Variants in PTGER4 observed in about 807,000 individuals in gnomAD.
PTGER4 encodes prostaglandin E receptor 4.
A neutral mutation model predicts 33.2 loss-of-function variants in PTGER4; 11 were observed. The ratio of observed to expected loss-of-function variants is 0.33; its 90% CI spans 0.21 to 0.55. The LOEUF (loss-of-function observed/expected upper bound fraction) is 0.55. Among genes scored for constraint, PTGER4 ranks in the 20% least tolerant of loss-of-function variants. The pLI is 0.92. For synonymous variants in PTGER4, 275 were observed against 281.5 expected, an observed-to-expected ratio of 0.98 and a Z score of 0.23; for missense variants, 481 against 650.2, an observed-to-expected ratio of 0.74 and a Z score of 2.83.
chr5:40,696,744 A>C (rs1741589640), downstream of PTGER4: 1 of 959,162 alleles, frequency 1.0e-6, no homozygotes, highest in Non-Finnish European at 1.2e-6. Flanking sequence ...AACTCTACAC[A>C]CTAAAATCTG....
Position 40,691,244 on chromosome 5 carries a change from G to C in PTGER4, c.868-535G>C, listed in dbSNP as rs187078195. Among the ~76,000 whole-genome samples, 632 of 151,930 alleles carry C rather than the reference G, an allele frequency of 4.2e-3. 3 individuals carry two copies. Among genetic ancestry groups the C allele is most frequent in the African/African-American group, 0.015 (606 of 41,446 alleles). On this transcript the variant is annotated intron_variant, in intron 2 of 2. Transcript: ENST00000302472. This position sits in a 1 kb window ranked among gnomAD's most constrained non-coding sequence, Gnocchi z 4.2. ...GTCGCCAGGCTGGAGTGCAGTGGTG[G>C]GATCTCAGCTCACTGCAACCTCCGC...
intron 2 of PTGER4, among the ~76,000 whole-genome samples, chr5:40,688,235 C>T (rs560979555): frequency 8.1e-4 from 124 of 152,228 alleles, no homozygotes; most frequent in African/African-American, 2.9e-3. Flanking sequence ...CAGGTTCAGA[C>T]TTAACCAAAA....
the PTGER4 span, among the ~76,000 whole-genome samples, chr5:40,704,899 C>G: frequency 6.6e-6 from 1 of 152,088 alleles, no homozygotes; most frequent in Non-Finnish European, 1.5e-5. Flanking sequence ...GCTATACTAC[C>G]CAAAGCAATT....
rs944628637 is a variant in PTGER4 at position 40,691,689 on chromosome 5, C to T, written c.868-90C>T. 8.1e-6 allele frequency: 12 copies of T among 1,474,996 alleles called. No homozygotes were observed. The highest frequency in any genetic ancestry group is 1.1e-5 in the Non-Finnish European group (12 of 1,097,320). 91.4% of individuals were successfully genotyped at this position (1,474,996 alleles called of 1,614,324 possible). On this transcript the variant is annotated intron_variant, in intron 2 of 2. Transcript: ENST00000302472. This position sits in a 1 kb window ranked among gnomAD's most constrained non-coding sequence, Gnocchi z 4.2. ...AACTTGTTACCAGAAATGAAGGCAG[C>T]TTCCTAATATTGATAAGGTAGACAT...
the PTGER4 span, among the ~76,000 whole-genome samples, chr5:40,744,487 G>GTTTTTTT: frequency 7.3e-6 from 1 of 136,414 alleles, no homozygotes; most frequent in Non-Finnish European, 1.6e-5. Context: ...ACTCTTACCA[G>GTTTTTTT]TTTTTTTTTT....
chr5:40,745,328 T>C, the PTGER4 span, among the ~76,000 whole-genome samples: 1 of 152,108 alleles, frequency 6.6e-6, no homozygotes, highest in African/African-American at 2.4e-5. Flanking sequence ...TCCTTATTCT[T>C]AGAAAAAACA....
At chr5:40,698,894 C>T in the PTGER4 span, among the ~76,000 whole-genome samples, 1 of 152,092 alleles carries the variant, frequency 6.6e-6, no homozygotes. Flanking sequence ...AGAATTATCA[C>T]GTTTGTAGCC....
chr5:40,725,784 C>CTTTT, the PTGER4 span, among the ~76,000 whole-genome samples: 6 of 126,060 alleles, frequency 4.8e-5, no homozygotes, highest in South Asian at 2.5e-4. Flanking sequence ...TTCTCTTCAG[C>CTTTT]TTTTTTTTTT....
At chr5:40,684,572 T>C (rs1043706105) in intron 2 of PTGER4, among the ~76,000 whole-genome samples, 1 of 152,172 alleles carries the variant, frequency 6.6e-6, no homozygotes, top group Non-Finnish European at 1.5e-5. Context: ...AAAAAATAAA[T>C]TTTAATTTGC....
At chr5:40,715,056 G>C in the PTGER4 span, 1 of 151,922 alleles carries the variant, frequency 6.6e-6, no homozygotes, top group Non-Finnish European at 1.5e-5. Context: ...ATACTCATGA[G>C]ATTGTACTAT....
chr5:40,712,430 C>T, the PTGER4 span, among the ~76,000 whole-genome samples: 1 of 152,108 alleles, frequency 6.6e-6, no homozygotes, highest in Non-Finnish European at 1.5e-5. Flanking sequence ...ACTTGAGACA[C>T]AGACAGATGG....
At chr5:40,738,426 A>T in the PTGER4 span, among the ~76,000 whole-genome samples, 310 of 148,732 alleles carry the variant, frequency 2.1e-3, no homozygotes, top group African/African-American at 7.5e-3. Flanking sequence ...AAAATAAAAT[A>T]AAATAAAATA....
chr5:40,729,633 TA>T, the PTGER4 span, among the ~76,000 whole-genome samples: 1 of 152,220 alleles, frequency 6.6e-6, no homozygotes, highest in Non-Finnish European at 1.5e-5. Flanking sequence ...CTACTATATT[TA>T]ATCACAAGGA....
rs1302571182 is a variant in PTGER4 at position 40,691,779 on chromosome 5, G to A, written c.868G>A (p.Val290Met). 2 of 1,611,948 alleles carry A rather than the reference G, an allele frequency of 1.2e-6. No homozygotes were observed. The highest frequency in any genetic ancestry group is 1.7e-6 in the Non-Finnish European group (2 of 1,178,936). Residue 290 changes from valine to methionine, a missense_variant and splice_region_variant, in exon 3 of 3, where the codon GTG (valine) becomes ATG (methionine). Coordinates refer to ENST00000302472, the MANE Select transcript of PTGER4 (RefSeq NM_000958.3). The surrounding 1 kb of genome is among the most constrained non-coding windows in gnomAD (Gnocchi z 4.2). Reference sequence around the variant, plus strand: ...TAAATGTGCGATCTCACTTATGCAGGTGCGAGTATTCGTCAACCAGTTATA... The same window carrying A: ...TAAATGTGCGATCTCACTTATGCAGATGCGAGTATTCGTCAACCAGTTATA... ...VVLICSIPLV[V>M]RVFVNQLYQP...
downstream of PTGER4, among the ~76,000 whole-genome samples, chr5:40,694,335 G>A (rs1470599983): frequency 3.9e-5 from 6 of 152,178 alleles, 1 homozygote; most frequent in Non-Finnish European, 8.8e-5. Context: ...GCAGGCATGA[G>A]CCACCATGCC....
chr5:40,688,125 A>C (rs575134165), intron 2 of PTGER4, among the ~76,000 whole-genome samples: 2 of 152,368 alleles, frequency 1.3e-5, no homozygotes, highest in South Asian at 2.1e-4. Flanking sequence ...ACTATTCAAA[A>C]ATTTTCTTCC....
chr5:40,695,478 G>A (rs931944157), downstream of PTGER4, among the ~76,000 whole-genome samples: 5 of 152,148 alleles, frequency 3.3e-5, no homozygotes, highest in South Asian at 2.1e-4. Context: ...CCCGGGAGGC[G>A]GGGGTTGCAG....
chr5:40,698,292 A>ATC (rs1741661141), downstream of PTGER4, among the ~76,000 whole-genome samples: 2 of 151,392 alleles, frequency 1.3e-5, no homozygotes, highest in South Asian at 2.1e-4. Flanking sequence ...ATTTAATAAT[A>ATC]ATCATCATCA....
the PTGER4 span, among the ~76,000 whole-genome samples, chr5:40,722,733 C>T: frequency 2.0e-5 from 3 of 149,982 alleles, no homozygotes; most frequent in Admixed American, 1.3e-4. Context: ...CGGGAGGTGG[C>T]GGGGCAGCCC....
Sources: allele counts gnomAD v4.1 joint callset (sites outside exome capture counted in the v4.1 genomes callset), GRCh38; gene constraint gnomAD v4.1.1; non-coding constraint Gnocchi (gnomAD v3.1); transcripts MANE v1.5; gene names NCBI Gene and HGNC (gene_info 2026-07-23, HGNC 2026-07-21).